PGR: variants seen among roughly 807,000 people sequenced by gnomAD.
The protein encoded by PGR is nuclear receptor subfamily 3 group C member 3.
Under a neutral mutation model 76.1 loss-of-function variants are expected in PGR, and 25 were observed. The ratio of observed to expected loss-of-function variants is 0.33; its 90% confidence interval spans 0.24 to 0.46. The LOEUF is 0.46. PGR is among the 20% of genes least tolerant of loss of function. PGR has a pLI of 1.00. For missense variants in PGR, 1,172 were observed against 1,225.3 expected (o/e 0.96, Z 0.65); for synonymous variants, 579 against 535.0 (o/e 1.08, Z -1.14).
intron 2 of PGR, among the ~76,000 whole-genome samples, chr11:101,102,197 A>C (rs2135472511): frequency 6.6e-6 from 1 of 152,354 alleles, no homozygotes; most frequent in African/African-American, 2.4e-5. Flanking sequence ...TGAATAAAAA[A>C]ACATTCTATA....
chr11:101,085,325 G>A (rs1861454230), intron 3 of PGR, among the ~76,000 whole-genome samples: 1 of 151,612 alleles, frequency 6.6e-6, no homozygotes, highest in Admixed American at 6.6e-5. Context: ...TAAAAAGTTT[G>A]CTCTGGATAA....
chr11:101,126,236 T>G (rs1862834744), intron 1 of PGR, 78 bp from the exon 2 acceptor site: 1 of 1,360,058 alleles, frequency 7.4e-7, no homozygotes, highest in Non-Finnish European at 1.0e-6. Context: ...TAAACCAGTA[T>G]TAACAGGGTG....
Position 101,032,311 on chromosome 11 carries a change from G to A in PGR, c.*6805C>T, listed in dbSNP as rs919213469. 2 of 232,668 alleles carry A rather than the reference G, an allele frequency of 8.6e-6. No individual in the cohort carries two copies. Among genetic ancestry groups the A allele is most frequent in the African/African-American group, 4.4e-5 (2 of 45,306 alleles). 14.4% of individuals were successfully genotyped at this position (232,668 alleles called of 1,614,324 possible). On this transcript the variant is annotated 3_prime_UTR_variant, in exon 8 of 8. Coordinates refer to ENST00000325455, the MANE Select transcript of PGR (RefSeq NM_000926.4). Reference sequence around the variant, plus strand: ...CAACTTCCTCAAAAATGTTCTCCCTGCTTCCAGGATTAGTCATCTCCAACT... The same window carrying A: ...CAACTTCCTCAAAAATGTTCTCCCTACTTCCAGGATTAGTCATCTCCAACT...
At chr11:101,060,704 G>A (rs565310644) in intron 4 of PGR, among the ~76,000 whole-genome samples, 1 of 152,212 alleles carries the variant, frequency 6.6e-6, no homozygotes, top group Admixed American at 6.5e-5. Context: ...CAGGCCACAA[G>A]AGACTTTGAT....
rs181605596 is a variant in PGR, at chr11:101,034,290, A to G, written c.*4826T>C. 1.4e-4 allele frequency: 31 copies of G among 219,512 alleles called. No homozygotes were observed. The highest frequency in any genetic ancestry group is 8.1e-4 in the Admixed American group (14 of 17,264). 13.6% of individuals were successfully genotyped at this position (219,512 alleles called of 1,614,324 possible). A position where few individuals can be genotyped will look rare whatever the true frequency, so the allele number is the denominator to read the frequency against. On this transcript the variant is annotated 3_prime_UTR_variant, in exon 8 of 8. Coordinates refer to ENST00000325455, the MANE Select transcript of PGR (RefSeq NM_000926.4). ...TCTGGGACTAGGCCAGCAGTCCTGCAACAGTCTTCCAGACTCCACAGCTGC... is the reference window on the plus strand; with the variant it reads ...TCTGGGACTAGGCCAGCAGTCCTGCGACAGTCTTCCAGACTCCACAGCTGC...
intron 3 of PGR, among the ~76,000 whole-genome samples, chr11:101,078,241 T>G (rs753149254): frequency 5.3e-5 from 8 of 152,060 alleles, no homozygotes; most frequent in Non-Finnish European, 7.4e-5. Context: ...ACACAACCTT[T>G]TAAAATGTGA....
intron 2 of PGR, among the ~76,000 whole-genome samples, chr11:101,098,311 G>A (rs1565357433): frequency 6.6e-6 from 1 of 152,176 alleles, no homozygotes; most frequent in Non-Finnish European, 1.5e-5. Context: ...ATGAGCACAA[G>A]TGAACATAGT....
At chr11:101,122,210 C>T (rs1862702998) in intron 2 of PGR, among the ~76,000 whole-genome samples, 1 of 150,112 alleles carries the variant, frequency 6.7e-6, no homozygotes, top group Non-Finnish European at 1.5e-5. Context: ...TCCTTCAATA[C>T]CTACTTAGCT....
At chr11:101,045,086 C>A (rs1387235592) in intron 6 of PGR, among the ~76,000 whole-genome samples, 1 of 152,124 alleles carries the variant, frequency 6.6e-6, no homozygotes, top group Non-Finnish European at 1.5e-5. Flanking sequence ...TTATCCCCTG[C>A]ACCCCAATCA....
intron 2 of PGR, among the ~76,000 whole-genome samples, chr11:101,097,617 CTTA>C (rs1861873528): frequency 6.6e-6 from 1 of 152,130 alleles, no homozygotes; most frequent in Non-Finnish European, 1.5e-5. Flanking sequence ...ACATATGTCA[CTTA>C]TTGTCATATA....
intron 6 of PGR, among the ~76,000 whole-genome samples, chr11:101,048,825 T>C (rs969469340): frequency 2.6e-5 from 4 of 152,142 alleles, no homozygotes; most frequent in Non-Finnish European, 5.9e-5. Flanking sequence ...TTACCGTAAC[T>C]TTTTTACTTT....
chr11:101,067,730 T>C (rs1409110668), intron 3 of PGR, among the ~76,000 whole-genome samples: 4 of 151,776 alleles, frequency 2.6e-5, no homozygotes, highest in Admixed American at 6.6e-5. Context: ...TGAGAATAAA[T>C]AAATGGGAGA....
chr11:101,042,228 T>C, intron 6 of PGR, 126 bp from the exon 7 acceptor site: 1 of 842,126 alleles, frequency 1.2e-6, no homozygotes, highest in South Asian at 1.6e-5. Context: ...AAACACCTTA[T>C]ATAGGAAAGA....
intron 7 of PGR, among the ~76,000 whole-genome samples, chr11:101,039,790 GCAT>G (rs1859638167): frequency 6.6e-6 from 1 of 152,010 alleles, no homozygotes; most frequent in African/African-American, 2.4e-5. Flanking sequence ...AGCAGCAGCA[GCAT>G]CAATAGAGCC....
intron 2 of PGR, among the ~76,000 whole-genome samples, chr11:101,110,392 C>T (rs1217176501): frequency 6.6e-6 from 1 of 152,098 alleles, no homozygotes; most frequent in Non-Finnish European, 1.5e-5. Flanking sequence ...GATTCAAACC[C>T]TTATAGATGA....
At chr11:101,086,911 T>C (rs1180300540) in intron 3 of PGR, among the ~76,000 whole-genome samples, 1 of 113,002 alleles carries the variant, frequency 8.8e-6, no homozygotes, top group Non-Finnish European at 1.8e-5. Flanking sequence ...GATAACTACA[T>C]AACATTGCTA....
intron 2 of PGR, among the ~76,000 whole-genome samples, chr11:101,124,042 T>A (rs1862762462): frequency 6.6e-6 from 1 of 152,198 alleles, no homozygotes; most frequent in Admixed American, 6.5e-5. Context: ...GGAAAGTGTA[T>A]CTTTGGCATA....
chr11:101,057,124 C>T lies in PGR; in HGVS notation c.2212+5323G>A, dbSNP rs527809405. Among the ~76,000 whole-genome samples, 3 of 152,262 alleles carry T rather than the reference C, an allele frequency of 2.0e-5. No individual in the cohort carries two copies. In the South Asian group the frequency reaches 6.2e-4, roughly 32 times the overall value. ...AGAAAAGTAGAACACAATTGTAACTCAGAGTCATAGTGTTATGGTTGACAA... is the reference window on the plus strand; with the variant it reads ...AGAAAAGTAGAACACAATTGTAACTTAGAGTCATAGTGTTATGGTTGACAA... On this transcript the variant is annotated intron_variant, in intron 4 of 7. Coordinates refer to ENST00000325455, the MANE Select transcript of PGR (RefSeq NM_000926.4).
intron 6 of PGR, among the ~76,000 whole-genome samples, chr11:101,048,058 C>T (rs1859953289): frequency 6.6e-6 from 1 of 152,140 alleles, no homozygotes; most frequent in Non-Finnish European, 1.5e-5. Flanking sequence ...ATCTCTCTCA[C>T]TCAGTGCTCA....
Sources: gnomAD v4.1 joint callset for allele counts (sites outside exome capture counted in the v4.1 genomes callset) on GRCh38, gnomAD v4.1.1 for gene constraint, MANE v1.5 for transcripts, NCBI Gene and HGNC (gene_info 2026-07-23, HGNC 2026-07-21) for gene names.